Variants in CCDC40 observed in about 807,000 individuals in gnomAD.
CCDC40 encodes coiled-coil domain-containing protein 40.
CCDC40 carries 104 observed loss-of-function variants against 124.5 expected under a neutral mutation model. That is an observed-to-expected ratio of 0.84 (90% CI 0.71 to 0.98). The LOEUF is 0.98. Ranked by LOEUF, CCDC40 falls within the 50% of genes least tolerant of loss-of-function variation. The pLI, the probability that CCDC40 is intolerant of heterozygous loss-of-function variation, is 0.00. For synonymous variants in CCDC40, 580 were observed against 602.9 expected (o/e 0.96, Z 0.56); for missense variants, 1,463 against 1,503.9 (o/e 0.97, Z 0.45).
At position 80,099,609 on chromosome 17, in the gene CCDC40, G is replaced by A. The variant is rs200145777; in HGVS notation, c.3263G>A (p.Arg1088His). 2.4e-5 allele frequency: 39 copies of A among 1,613,626 alleles called. No individual in the cohort carries two copies. The highest frequency in any genetic ancestry group is 3.1e-5 in the Non-Finnish European group (37 of 1,180,022). ...VKEGRYVFLF[R>H]SKQSLVLERQ... ...GAGGGGCGCTACGTGTTCCTGTTCC[G>A]CTCCAAGCAGTCCCTAGTGCTGGAG... Residue 1088 changes from arginine to histidine, a missense_variant, in exon 20 of 20, where the codon CGC becomes CAC. Physicochemically the swap from Arg to His is conservative, Grantham distance 29 (BLOSUM62 0). Coordinates refer to ENST00000397545, the MANE Select transcript of CCDC40 (RefSeq NM_017950.4).
chr17:80,040,372 A>C, intron 3 of CCDC40, 102 bp downstream of exon 3: 3 of 1,144,064 alleles, frequency 2.6e-6, no homozygotes, highest in Non-Finnish European at 3.8e-6. Context: ...ACAAATTGCA[A>C]TCCCTGTTAG....
chr17:80,081,055 T>A (rs1233489005), intron 10 of CCDC40, among the ~76,000 whole-genome samples: 2 of 152,140 alleles, frequency 1.3e-5, no homozygotes, highest in African/African-American at 4.8e-5. Flanking sequence ...AATCTATCCA[T>A]AAAAATTTTT....
Position 80,088,224 on chromosome 17 carries a change from G to A in CCDC40, c.2711+122G>A, listed in dbSNP as rs997456835. 4 of 735,840 alleles carry A rather than the reference G, an allele frequency of 5.4e-6. No individual in the cohort carries two copies. The African/African-American group carries it at 7.0e-5, about 13-fold the overall frequency. 45.6% of individuals were successfully genotyped at this position (735,840 alleles called of 1,614,324 possible). On this transcript the variant is annotated intron_variant, in intron 16 of 19. Transcript: ENST00000397545. ...CTCACACCCATATCCCAGTGCTTTG[G>A]TCATTTTTTGTTGTTGTTTTGTTTT...
rs2037222515 is a variant in CCDC40, at chr17:80,039,667, C to T, written c.94-145C>T. The T allele has an allele frequency of 1.8e-5, 20 of 1,083,262 alleles. 1 individual carries two copies. The South Asian group carries it at 3.1e-4, about 17-fold the overall frequency. The allele number at this position is 1,083,262 out of a possible 1,614,324, so 67.1% of individuals were successfully genotyped here. On this transcript the variant is annotated intron_variant, in intron 2 of 19. Transcript: ENST00000397545. The stretch of plus-strand genomic sequence containing the variant: ...CCTCGTGATCTGCCTGCCTCAGCCT[C>T]CCAAAGTGAAACATGATCTCTTAGT...
chr17:80,039,649 A>G (rs1183789637), intron 2 of CCDC40, among the ~76,000 whole-genome samples, 163 bp from the exon 3 acceptor site: 1 of 152,032 alleles, frequency 6.6e-6, no homozygotes, highest in Non-Finnish European at 1.5e-5. Context: ...TGACCTCGTG[A>G]TCTGCCTGCC....
intron 17 of CCDC40, 131 bp downstream of exon 17, chr17:80,090,015 CA>C (rs919670905): frequency 8.8e-5 from 136 of 1,538,140 alleles, no homozygotes; most frequent in South Asian, 4.5e-4. Flanking sequence ...TGGCTGGTGG[CA>C]ATGGGTGAGA....
intron 7 of CCDC40, among the ~76,000 whole-genome samples, chr17:80,056,010 A>ATTTTTTTTT (rs1326886577): frequency 1.7e-3 from 24 of 13,776 alleles, no homozygotes; most frequent in East Asian, 0.01. Context: ...ATATATATAT[A>ATTTTTTTTT]TATATATTTT....
rs74000392 is a variant in CCDC40 at position 80,097,217 on chromosome 17, G to A, written c.3022-28G>A. On this transcript the variant is annotated intron_variant, in intron 18 of 19. Transcript: ENST00000397545. ...TCCGCCAAGTAGCCGGGCTGCAGGG[G>A]CCCAGCATGGTCCTGTGATTCTCCT... The A allele has an allele frequency of 0.011, 17,798 of 1,613,222 alleles. 321 individuals carry two copies. Among genetic ancestry groups the A allele is most frequent in the African/African-American group, 0.065 (4,892 of 75,004 alleles).
Position 80,100,150 on chromosome 17 carries a change from A to C in CCDC40, c.*375A>C. On this transcript the variant is annotated 3_prime_UTR_variant, in exon 20 of 20. Coordinates refer to ENST00000397545, the MANE Select transcript of CCDC40 (RefSeq NM_017950.4). ...AGGTCCACAAGCTGGTGGGCTGAGC[A>C]GAGGTGGGAAAGTTAAGGCAGCTCC... 3.1e-6 allele frequency: 1 copy of C among 321,024 alleles called. No individual in the cohort carries two copies. The highest frequency in any genetic ancestry group is 2.7e-5 in the South Asian group (1 of 37,576). 19.9% of individuals were successfully genotyped at this position (321,024 alleles called of 1,614,324 possible). A position where few individuals can be genotyped will look rare whatever the true frequency, so the allele number is the denominator to read the frequency against.
chr17:80,040,133 C>T lies in CCDC40; in HGVS notation c.415C>T (p.Gln139Ter), dbSNP rs764551914. 2.5e-6 allele frequency: 4 copies of T among 1,614,088 alleles called. No individual in the cohort carries two copies. In the Admixed American group the frequency reaches 5.0e-5, roughly 20 times the overall value. Reference protein sequence around the residue: ...YDSVSGEAGLQGFQQEATGPP... With the variant: ...YDSVSGEAGL ...TAGTGTTAGCGGGGAGGCTGGTCTC[C>T]AAGGCTTCCAGCAAGAGGCCACCGG... Residue 139 changes from glutamine (Q) to a stop codon, truncating the protein, a stop_gained, in exon 3 of 20, where the codon CAA (glutamine) becomes TAA (stop). Coordinates refer to ENST00000397545, the MANE Select transcript of CCDC40 (RefSeq NM_017950.4). LOFTEE classifies it high-confidence loss of function.
chr17:80,051,295 G>C, intron 7 of CCDC40: 1 of 982,388 alleles, frequency 1.0e-6, no homozygotes, highest in South Asian at 4.7e-5. Context: ...AGTGGAAGAG[G>C]TTCTGGAAAT....
chr17:80,083,965 G>A (rs947484503), intron 12 of CCDC40, among the ~76,000 whole-genome samples: 1 of 152,228 alleles, frequency 6.6e-6, no homozygotes, highest in East Asian at 1.9e-4. Flanking sequence ...CCAGTGTGTA[G>A]GGTGTGATCC....
At position 80,087,941 on chromosome 17, in the gene CCDC40, AGGGCACCAGCCCC is replaced by A. The variant is rs370526302; in HGVS notation, c.2620-67_2620-55del. On this transcript the variant is annotated intron_variant, in intron 15 of 19. Coordinates refer to ENST00000397545, the MANE Select transcript of CCDC40 (RefSeq NM_017950.4). This position sits in a 1 kb window ranked among gnomAD's most constrained non-coding sequence, Gnocchi z 4.5. ...AGCCCTGCCCTCGGTGCCGGGATAG[AGGGCACCAGCCCC>A]GGCATCCACAATCCCATGGCCCTCC... 449 of 1,337,752 alleles carry A rather than the reference AGGGCACCAGCCCC, an allele frequency of 3.4e-4. 1 individual carries two copies. In the African/African-American group the frequency reaches 5.5e-3, roughly 16 times the overall value. 82.9% of individuals were successfully genotyped at this position (1,337,752 alleles called of 1,614,324 possible).
chr17:80,095,171 C>T (rs938747645), intron 17 of CCDC40, 92 bp from the exon 18 acceptor site: 84 of 1,206,346 alleles, frequency 7.0e-5, no homozygotes, highest in Admixed American at 2.6e-4. Context: ...TGCGTGTCAC[C>T]GGAGGATGAG....
At position 80,068,634 on chromosome 17, in the gene CCDC40, GCTGT is replaced by G. The variant is rs1286827152; in HGVS notation, c.1562+3032_1562+3035del. 8.6e-5 allele frequency among the ~76,000 whole-genome samples: 13 copies of G among 151,934 alleles called. No individual in the cohort carries two copies. The East Asian group carries it at 2.1e-3, about 25-fold the overall frequency. On this transcript the variant is annotated intron_variant, in intron 10 of 19. Transcript: ENST00000397545. Reference sequence around the variant, plus strand: ...TGCATACCAGGCCGGTACCCTGGTGGCTGTCTGGGCATTTCTGGAGCCTTCACCC... The same window carrying G: ...TGCATACCAGGCCGGTACCCTGGTGGCTGGGCATTTCTGGAGCCTTCACCC...
Position 80,086,712 on chromosome 17 carries a change from T to C in CCDC40, c.2449+496T>C, listed in dbSNP as rs2038595716. 5 of 195,064 alleles carry C rather than the reference T, an allele frequency of 2.6e-5. No homozygotes were observed. The highest frequency in any genetic ancestry group is 1.6e-4 in the Admixed American group (3 of 18,508). 12.1% of individuals were successfully genotyped at this position (195,064 alleles called of 1,614,324 possible). ...GGCGGGCATCCTTCCTGGACCACTC[T>C]CCACCCACATGTCCACCTGCCGAGA... On this transcript the variant is annotated intron_variant, in intron 14 of 19. Transcript: ENST00000397545. The surrounding 1 kb of genome is among the most constrained non-coding windows in gnomAD (Gnocchi z 5.5).
At chr17:80,069,000 A>ATGGGCGGGAGGTGTT (rs2038120995) in intron 10 of CCDC40, among the ~76,000 whole-genome samples, 1 of 152,180 alleles carries the variant, frequency 6.6e-6, no homozygotes, top group Non-Finnish European at 1.5e-5. Context: ...CTGTCCGTCC[A>ATGGGCGGGAGGTGTT]CATGGGCGGG....
chr17:80,058,664 C>A lies in CCDC40; in HGVS notation c.1317+13C>A. 1 of 1,614,050 alleles carries A rather than the reference C, an allele frequency of 6.2e-7. No homozygotes were observed. The highest frequency in any genetic ancestry group is 8.5e-7 in the Non-Finnish European group (1 of 1,179,898). On this transcript the variant is annotated intron_variant, in intron 8 of 19. Coordinates refer to ENST00000397545, the MANE Select transcript of CCDC40 (RefSeq NM_017950.4). This position sits in a 1 kb window ranked among gnomAD's most constrained non-coding sequence, Gnocchi z 4.2. ...GAAGAAAAAGCAGGTATTCTGCAAA[C>A]TCGACACATGTTTAATGATCACCAG...
chr17:80,076,441 G>T (rs1265020048), intron 10 of CCDC40, among the ~76,000 whole-genome samples: 1 of 152,022 alleles, frequency 6.6e-6, no homozygotes, highest in African/African-American at 2.4e-5. Flanking sequence ...AGGTGTGGTG[G>T]TGTGCACTTG....
Sources: gnomAD v4.1 joint callset for allele counts (sites outside exome capture counted in the v4.1 genomes callset) on GRCh38, gnomAD v4.1.1 for gene constraint, Gnocchi (gnomAD v3.1) non-coding constraint, MANE v1.5 for transcripts, NCBI Gene and HGNC (gene_info 2026-07-23, HGNC 2026-07-21) for gene names.